Variants in PRKAR2A observed in about 807,000 individuals in gnomAD.
PRKAR2A encodes the protein protein kinase cAMP-dependent type II regulatory subunit alpha.
Under a neutral mutation model 51.9 loss-of-function variants are expected in PRKAR2A, and 29 were observed. The observed-to-expected ratio is 0.56, with a 90% CI of 0.42 to 0.76. The LOEUF is 0.76. PRKAR2A is among the 30% of genes least tolerant of loss of function. The probability of loss-of-function intolerance (pLI) is 0.00; values close to 1 mark genes in which losing one functional copy is unlikely to be tolerated. For missense variants in PRKAR2A, 445 were observed against 512.1 expected, an observed-to-expected ratio of 0.87 and a Z score of 1.26; for synonymous variants, 178 against 186.2, an observed-to-expected ratio of 0.96 and a Z score of 0.36.
chr3:48,837,928 C>G (rs2083310017), intron 1 of PRKAR2A, among the ~76,000 whole-genome samples: 2 of 152,172 alleles, frequency 1.3e-5, no homozygotes, highest in South Asian at 4.1e-4. Flanking sequence ...CCTGGAATCC[C>G]AGCACTTTGG....
At chr3:48,843,222 T>C (rs2083407526) in intron 1 of PRKAR2A, among the ~76,000 whole-genome samples, 1 of 152,226 alleles carries the variant, frequency 6.6e-6, no homozygotes, top group Non-Finnish European at 1.5e-5. Context: ...TATTCTCTGA[T>C]GGTAGTTTGT....
intron 1 of PRKAR2A, among the ~76,000 whole-genome samples, chr3:48,823,855 C>T (rs1035486752): frequency 4.6e-5 from 7 of 151,396 alleles, no homozygotes; most frequent in African/African-American, 1.2e-4. Flanking sequence ...CTACTAGGAC[C>T]GTAGCAAAAG....
intron 5 of PRKAR2A, among the ~76,000 whole-genome samples, chr3:48,776,911 C>T (rs943549746): frequency 6.6e-6 from 1 of 152,074 alleles, no homozygotes; most frequent in Non-Finnish European, 1.5e-5. Context: ...AATCACACAA[C>T]AATGTATGAT....
intron 1 of PRKAR2A, among the ~76,000 whole-genome samples, chr3:48,816,190 C>T (rs1365386074): frequency 6.6e-6 from 1 of 152,100 alleles, no homozygotes; most frequent in Non-Finnish European, 1.5e-5. Flanking sequence ...TGATACCCTC[C>T]TTCTCATTCT....
chr3:48,778,515 T>TTTTTG (rs983011990), intron 5 of PRKAR2A, among the ~76,000 whole-genome samples: 4 of 151,600 alleles, frequency 2.6e-5, no homozygotes, highest in Admixed American at 6.6e-5. Context: ...TTTTTGTGTG[T>TTTTTG]TTTTGTTTTG....
chr3:48,831,611 G>A (rs890513638), intron 1 of PRKAR2A, among the ~76,000 whole-genome samples: 2 of 136,310 alleles, frequency 1.5e-5, no homozygotes, highest in Non-Finnish European at 3.1e-5. Flanking sequence ...GGATTGCCTC[G>A]AAAAAATATT....
At chr3:48,831,062 C>A (rs1252119597) in intron 1 of PRKAR2A, among the ~76,000 whole-genome samples, 1 of 152,176 alleles carries the variant, frequency 6.6e-6, no homozygotes, top group Non-Finnish European at 1.5e-5. Flanking sequence ...CAGACCAATA[C>A]TGGTCCATGG....
At chr3:48,808,112 A>T (rs1304366193) in intron 1 of PRKAR2A, among the ~76,000 whole-genome samples, 3 of 143,606 alleles carry the variant, frequency 2.1e-5, no homozygotes, top group Non-Finnish European at 3.0e-5. Context: ...CAGTGGCGCG[A>T]TCTCGGCTCA....
In PRKAR2A at chr3:48,798,641, G is replaced by C. The variant is rs370261912; in HGVS notation, c.299-4592C>G. 2.8e-3 allele frequency among the ~76,000 whole-genome samples: 421 copies of C among 150,152 alleles called. 15 individuals are homozygous for C. The South Asian group carries it at 0.084, about 30-fold the overall frequency. On this transcript the variant is annotated intron_variant, in intron 2 of 10. Coordinates refer to ENST00000265563, the MANE Select transcript of PRKAR2A (RefSeq NM_004157.4). Reference sequence around the variant, plus strand: ...TATTATACTAACTTTCTCTACTTTTGTGCATGAAATCTTCCTTTTTAATTT... The same window carrying C: ...TATTATACTAACTTTCTCTACTTTTCTGCATGAAATCTTCCTTTTTAATTT...
At chr3:48,791,326 G>A (rs1348482394) in intron 3 of PRKAR2A, among the ~76,000 whole-genome samples, 1 of 150,068 alleles carries the variant, frequency 6.7e-6, no homozygotes, top group Admixed American at 6.7e-5. Context: ...GCTGGGCGTG[G>A]TGGCGCACGC....
Position 48,751,247 on chromosome 3 carries a change from A to G in PRKAR2A, c.*338T>C. The G allele has an allele frequency of 4.1e-6, 2 of 482,328 alleles. No homozygotes were observed. Among genetic ancestry groups the G allele is most frequent in the Non-Finnish European group, 8.2e-6 (2 of 244,494 alleles). The allele number at this position is 482,328 out of a possible 1,614,324, so 29.9% of individuals were successfully genotyped here. ...TTCCAAAAGCAAGAGTAGCAGCAAG[A>G]GAGGAAAGGAGCATGTTTATACTTT... On this transcript the variant is annotated 3_prime_UTR_variant, in exon 11 of 11. Coordinates refer to ENST00000265563, the MANE Select transcript of PRKAR2A (RefSeq NM_004157.4).
At chr3:48,824,542 TAAGAAAGAAAGA>T (rs200913812) in intron 1 of PRKAR2A, among the ~76,000 whole-genome samples, 18,551 of 123,798 alleles carry the variant, frequency 0.15, 1,455 homozygotes, top group Admixed American at 0.25. Flanking sequence ...TCCAAAATCA[TAAGAAAGAAAGA>T]AAGAAAGAAA....
chr3:48,754,332 G>A (rs2081720608), intron 9 of PRKAR2A, among the ~76,000 whole-genome samples: 1 of 151,298 alleles, frequency 6.6e-6, no homozygotes, highest in East Asian at 2.0e-4. Flanking sequence ...CCGCCTCCCG[G>A]GTTCAAGCGA....
chr3:48,810,045 C>T (rs2082745945), intron 1 of PRKAR2A, among the ~76,000 whole-genome samples: 1 of 152,144 alleles, frequency 6.6e-6, no homozygotes. Context: ...GCAGTAGCCT[C>T]CAAACCTTTT....
chr3:48,786,830 C>T (rs1028462257), intron 4 of PRKAR2A, among the ~76,000 whole-genome samples: 2 of 152,016 alleles, frequency 1.3e-5, no homozygotes, highest in Admixed American at 6.6e-5. Context: ...AAGGAATGAA[C>T]TAACATTGCT....
intron 1 of PRKAR2A, among the ~76,000 whole-genome samples, chr3:48,829,849 A>G (rs112742538): frequency 0.11 from 7,251 of 65,800 alleles, 276 homozygotes; most frequent in African/African-American, 0.18. Context: ...GCGTGTGTGT[A>G]TATATATATA....
chr3:48,830,908 G>A (rs2083176708), intron 1 of PRKAR2A, among the ~76,000 whole-genome samples: 1 of 152,094 alleles, frequency 6.6e-6, no homozygotes, highest in Admixed American at 6.6e-5. Flanking sequence ...ACGTTCCTAT[G>A]AGAATCTAAC....
chr3:48,835,251 G>A (rs1249010963), intron 1 of PRKAR2A, among the ~76,000 whole-genome samples: 2 of 151,862 alleles, frequency 1.3e-5, no homozygotes, highest in African/African-American at 2.4e-5. Context: ...GATTACAGGC[G>A]TGAGCCACTA....
chr3:48,780,527 T>C lies in PRKAR2A; in HGVS notation c.542+2459A>G, dbSNP rs965776180. On this transcript the variant is annotated intron_variant, in intron 5 of 10. Coordinates refer to ENST00000265563, the MANE Select transcript of PRKAR2A (RefSeq NM_004157.4). ...CTGAGGCAGGAGAATGGTGTGAACC[T>C]GGGAGGCGGAGCTTGCAGTGAGCCA... 1.1e-4 allele frequency among the ~76,000 whole-genome samples: 16 copies of C among 142,404 alleles called. 1 individual carries two copies. In the South Asian group the frequency reaches 3.1e-3, roughly 27 times the overall value. 93.4% of individuals were successfully genotyped at this position (142,404 alleles called of 152,430 possible). A position where few individuals can be genotyped will look rare whatever the true frequency, so the allele number is the denominator to read the frequency against.
Sources: gnomAD v4.1 joint callset for allele counts (sites outside exome capture counted in the v4.1 genomes callset) on GRCh38, gnomAD v4.1.1 for gene constraint, MANE v1.5 for transcripts, NCBI Gene and HGNC (gene_info 2026-07-23, HGNC 2026-07-21) for gene names.